The following MVB12B variants were observed in gnomAD, a reference collection of about 807,000 sequenced individuals.
MVB12B encodes the protein ESCRT-I complex subunit MVB12B.
Under a neutral mutation model 41.6 loss-of-function variants are expected in MVB12B, and 16 were observed. The observed-to-expected ratio is 0.38, with a 90% CI of 0.26 to 0.58. The LOEUF (loss-of-function observed/expected upper bound fraction) is 0.58, where lower values mean the gene tolerates loss of function less well. Among genes scored for constraint, MVB12B ranks in the 20% least tolerant of loss-of-function variants. MVB12B has a pLI of 0.62. For synonymous variants in MVB12B, 133 were observed against 139.7 expected, an observed-to-expected ratio of 0.95 and a Z score of 0.34; for missense variants, 274 against 380.2, an observed-to-expected ratio of 0.72 and a Z score of 2.32.
intron 7 of MVB12B, among the ~76,000 whole-genome samples, chr9:126,462,574 C>A (rs1159638111): frequency 6.6e-6 from 1 of 152,210 alleles, no homozygotes; most frequent in Non-Finnish European, 1.5e-5. Flanking sequence ...CCGGATAGTT[C>A]AGAGAACCTT....
At chr9:126,477,253 C>T (rs1331651554) in intron 7 of MVB12B, among the ~76,000 whole-genome samples, 1 of 152,210 alleles carries the variant, frequency 6.6e-6, no homozygotes, top group Non-Finnish European at 1.5e-5. Flanking sequence ...AGCACCAAGC[C>T]ATGAGGGATC....
intron 7 of MVB12B, among the ~76,000 whole-genome samples, chr9:126,472,031 C>T (rs936121228): frequency 1.5e-4 from 23 of 151,826 alleles, no homozygotes; most frequent in African/African-American, 1.2e-4. Flanking sequence ...CTTTATCAAG[C>T]ATGTTGAAAT....
chr9:126,441,270 G>A (rs1337625829), intron 7 of MVB12B, among the ~76,000 whole-genome samples: 1 of 152,174 alleles, frequency 6.6e-6, no homozygotes, highest in East Asian at 1.9e-4. Context: ...AAACAAAAGG[G>A]AGCATAATAG....
In MVB12B at chr9:126,392,146, C is replaced by G; in HGVS notation, c.490C>G (p.Arg164Gly). 6.2e-7 allele frequency: 1 copy of G among 1,614,146 alleles called. No individual in the cohort carries two copies. The highest frequency in any genetic ancestry group is 8.5e-7 in the Non-Finnish European group (1 of 1,180,016). Residue 164 changes from arginine to glycine, a missense_variant, in exon 5 of 10, where the codon CGG becomes GGG. Transcript: ENST00000361171. This position sits in a 1 kb window ranked among gnomAD's most constrained non-coding sequence, Gnocchi z 4.8. Reference sequence around the variant, plus strand: ...AACGGAAGCTGCGATTTGTGACATTCGGATCATGGGCCGGACCAAGCAGGC... The same window carrying G: ...AACGGAAGCTGCGATTTGTGACATTGGGATCATGGGCCGGACCAAGCAGGC... ...DSTEAAICDI[R>G]IMGRTKQAPP... is the part of the protein sequence containing the mutation.
At chr9:126,498,053 A>G (rs1833875161) in intron 9 of MVB12B, among the ~76,000 whole-genome samples, 1 of 151,580 alleles carries the variant, frequency 6.6e-6, no homozygotes, top group Non-Finnish European at 1.5e-5. Context: ...GCCTCGCCAT[A>G]TGACGTGGGC....
chr9:126,470,918 A>G (rs943902473), intron 7 of MVB12B, among the ~76,000 whole-genome samples: 2 of 152,252 alleles, frequency 1.3e-5, no homozygotes, highest in African/African-American at 4.8e-5. Context: ...TCTGTACAGC[A>G]GTAATAACAC....
At chr9:126,454,714 T>C (rs1450398984) in intron 7 of MVB12B, among the ~76,000 whole-genome samples, 2 of 152,242 alleles carry the variant, frequency 1.3e-5, no homozygotes, top group Non-Finnish European at 2.9e-5. Flanking sequence ...TTTACTTTTG[T>C]TAAGCACTGC....
rs1252972354 is a variant in MVB12B at position 126,503,574 on chromosome 9, T to G, written c.*311T>G. ...AACCTCACTCACCACGGAGTCACCC[T>G]GAGGGCCCCGGGCAGTTGCCCTGGC... On this transcript the variant is annotated 3_prime_UTR_variant, in exon 10 of 10. Transcript: ENST00000361171. The G allele has an allele frequency of 2.9e-5, 12 of 413,128 alleles. No homozygotes were observed. The highest frequency in any genetic ancestry group is 2.0e-4 in the South Asian group (6 of 29,326). The allele number at this position is 413,128 out of a possible 1,614,324, so 25.6% of individuals were successfully genotyped here.
At chr9:126,364,798 C>G (rs1205246485) in intron 2 of MVB12B, among the ~76,000 whole-genome samples, 1 of 152,186 alleles carries the variant, frequency 6.6e-6, no homozygotes, top group African/African-American at 2.4e-5. Context: ...GTTGCCCAGG[C>G]TGGAGTGCAG....
intron 6 of MVB12B, among the ~76,000 whole-genome samples, chr9:126,420,835 G>T (rs1371843413): frequency 1.3e-5 from 2 of 151,632 alleles, no homozygotes; most frequent in Non-Finnish European, 2.9e-5. Context: ...GAGCCACCGC[G>T]CCCGGCCCTC....
intron 1 of MVB12B, chr9:126,327,231 C>T (rs1186218151): frequency 1.0e-6 from 1 of 984,604 alleles, no homozygotes; most frequent in Admixed American, 6.2e-5. Context: ...CGGGCTCGGC[C>T]TGGCGGCGAG....
intron 8 of MVB12B, among the ~76,000 whole-genome samples, chr9:126,482,531 G>A (rs1261020700): frequency 6.6e-6 from 1 of 152,060 alleles, no homozygotes; most frequent in Non-Finnish European, 1.5e-5. Context: ...CGACGCTGGC[G>A]CCTCTGCCGC....
chr9:126,373,701 C>T (rs747781618), intron 2 of MVB12B, among the ~76,000 whole-genome samples: 16 of 152,224 alleles, frequency 1.1e-4, no homozygotes, highest in Non-Finnish European at 1.6e-4. Flanking sequence ...GACTGCGCCG[C>T]TCCTCTTTAG....
At chr9:126,334,804 G>A (rs1420232700) in intron 1 of MVB12B, among the ~76,000 whole-genome samples, 1 of 152,212 alleles carries the variant, frequency 6.6e-6, no homozygotes, top group African/African-American at 2.4e-5. Context: ...AATGTTCCCT[G>A]GTTTGTGCAG....
chr9:126,413,681 T>G (rs896720496), intron 6 of MVB12B, among the ~76,000 whole-genome samples: 1 of 152,186 alleles, frequency 6.6e-6, no homozygotes, highest in East Asian at 1.9e-4. Flanking sequence ...GAATCACAAC[T>G]ATTTTCACCT....
chr9:126,496,057 A>T (rs149267915), intron 9 of MVB12B, among the ~76,000 whole-genome samples: 1 of 152,218 alleles, frequency 6.6e-6, no homozygotes, highest in Non-Finnish European at 1.5e-5. Context: ...TGCTGCTGCT[A>T]CAAGGACTAG....
At chr9:126,474,375 G>A (rs941672044) in intron 7 of MVB12B, among the ~76,000 whole-genome samples, 1 of 152,252 alleles carries the variant, frequency 6.6e-6, no homozygotes, top group East Asian at 1.9e-4. Flanking sequence ...GGAGAAGCCA[G>A]GACGGAGATG....
rs1305879434 is a variant in MVB12B at position 126,478,065 on chromosome 9, G to C, written c.758-3304G>C. 6.6e-6 allele frequency among the ~76,000 whole-genome samples: 1 copy of C among 152,206 alleles called. No homozygotes were observed. Among genetic ancestry groups the C allele is most frequent in the Non-Finnish European group, 1.5e-5 (1 of 68,034 alleles). On this transcript the variant is annotated intron_variant, in intron 7 of 9. Coordinates refer to ENST00000361171, the MANE Select transcript of MVB12B (RefSeq NM_033446.3). The surrounding 1 kb of genome is among the most constrained non-coding windows in gnomAD (Gnocchi z 4.2). The stretch of plus-strand genomic sequence containing the variant: ...TGAGGGGTTTGGCTTTGGAGCGATG[G>C]AAATATTTTGGAACTAGATGGAGGT...
intron 2 of MVB12B, among the ~76,000 whole-genome samples, chr9:126,365,637 G>C (rs761320041): frequency 6.6e-6 from 1 of 152,084 alleles, no homozygotes; most frequent in Non-Finnish European, 1.5e-5. Flanking sequence ...CACTGCACCC[G>C]GCCTCCAGAA....
Sources: gnomAD v4.1 joint callset for allele counts (sites outside exome capture counted in the v4.1 genomes callset) on GRCh38, gnomAD v4.1.1 for gene constraint, Gnocchi (gnomAD v3.1) non-coding constraint, MANE v1.5 for transcripts, NCBI Gene and HGNC (gene_info 2026-07-23, HGNC 2026-07-21) for gene names.